GLIPR1L1: variants seen among roughly 807,000 people sequenced by gnomAD.
GLIPR1L1 encodes GLIPR1 like 1.
In GLIPR1L1, 26 loss-of-function variants were observed where a neutral mutation model predicts 29.9. That is an observed-to-expected ratio of 0.87 (90% confidence interval 0.64 to 1.21). The LOEUF (loss-of-function observed/expected upper bound fraction) is 1.21, where lower values mean the gene tolerates loss of function less well. Ranked by LOEUF, GLIPR1L1 falls within the 50% of genes most tolerant of loss-of-function variation. GLIPR1L1 has a pLI of 0.00. For missense variants in GLIPR1L1, 305 were observed against 290.3 expected (o/e 1.05, Z -0.37); for synonymous variants, 77 against 97.5 (o/e 0.79, Z 1.24).
At chr12:75,345,376 A>C (rs1593701944) in intron 2 of GLIPR1L1, among the ~76,000 whole-genome samples, 1 of 152,208 alleles carries the variant, frequency 6.6e-6, no homozygotes, top group East Asian at 1.9e-4. Flanking sequence ...TAGAAGTGTA[A>C]GTGTGTCTAA....
intron 1 of GLIPR1L1, among the ~76,000 whole-genome samples, chr12:75,337,732 G>A (rs1158019525): frequency 2.6e-5 from 4 of 151,872 alleles, no homozygotes; most frequent in East Asian, 3.8e-4. Flanking sequence ...ATTACATTCC[G>A]TACTATGTGT....
At chr12:75,363,386 CT>C (rs1183508193) in intron 4 of GLIPR1L1, among the ~76,000 whole-genome samples, 196 bp downstream of exon 4, 1 of 152,110 alleles carries the variant, frequency 6.6e-6, no homozygotes, top group Non-Finnish European at 1.5e-5. Context: ...ATTACTCCCC[CT>C]CTGAAGCTAA....
rs934965239 is a variant in GLIPR1L1 at position 75,343,875 on chromosome 12, T to A, written c.357T>A (p.Asn119Lys). The change falls in exon 2 of 6, where the codon AAT (asparagine) becomes AAA (lysine). Residue 119 changes from asparagine (N) to lysine (K), a missense_variant. Transcript: ENST00000378695. The part of the protein sequence containing the change: ...TPRHAITAWY[N>K]ETQFYDFDSL... ...GACATGCCATTACGGCTTGGTATAATGAAACCCAATTTTATGATTTTGATA... is the reference window on the plus strand; with the variant it reads ...GACATGCCATTACGGCTTGGTATAAAGAAACCCAATTTTATGATTTTGATA... 1 of 1,612,234 alleles carries A rather than the reference T, an allele frequency of 6.2e-7. No homozygotes were observed. Among genetic ancestry groups the A allele is most frequent in the Non-Finnish European group, 8.5e-7 (1 of 1,178,568 alleles).
chr12:75,366,908 T>G (rs1442398237), intron 4 of GLIPR1L1: 1 of 701,730 alleles, frequency 1.4e-6, no homozygotes, highest in African/African-American at 1.7e-5. Flanking sequence ...CCACTGCATG[T>G]CAAAAGGGGT....
At chr12:75,361,670 G>A (rs2043602599) in intron 3 of GLIPR1L1, among the ~76,000 whole-genome samples, 1 of 152,200 alleles carries the variant, frequency 6.6e-6, no homozygotes, top group Non-Finnish European at 1.5e-5. Flanking sequence ...CTTCCTTACA[G>A]TGCAGCAGGA....
chr12:75,343,389 C>A (rs1276259604), intron 1 of GLIPR1L1, among the ~76,000 whole-genome samples: 4 of 151,874 alleles, frequency 2.6e-5, no homozygotes, highest in Non-Finnish European at 4.4e-5. Flanking sequence ...TTCTGAATTA[C>A]TAGACTTTGA....
chr12:75,343,962 A>G (rs762272047), intron 2 of GLIPR1L1, 24 bp downstream of exon 2: 1 of 1,546,854 alleles, frequency 6.5e-7, no homozygotes, highest in South Asian at 1.2e-5. Flanking sequence ...ATCTTTATTG[A>G]TTAGTTCTTA....
At chr12:75,344,649 C>A (rs1386005314) in intron 2 of GLIPR1L1, among the ~76,000 whole-genome samples, 1 of 151,974 alleles carries the variant, frequency 6.6e-6, no homozygotes, top group Admixed American at 6.6e-5. Flanking sequence ...GAATTTTCTT[C>A]CATCATATCA....
chr12:75,341,738 G>T (rs1217029848), intron 1 of GLIPR1L1, among the ~76,000 whole-genome samples: 5 of 146,282 alleles, frequency 3.4e-5, no homozygotes, highest in Admixed American at 2.7e-4. Context: ...GAGCCACCGC[G>T]CCCGGCCTCT....
At chr12:75,363,079 A>G (rs1485011451) in intron 3 of GLIPR1L1, 23 bp from the exon 4 acceptor site, 2 of 1,324,718 alleles carry the variant, frequency 1.5e-6, no homozygotes, top group Non-Finnish European at 2.1e-6. Context: ...CATTTGGCTA[A>G]TCAATGTTTC....
chr12:75,336,087 G>A (rs1322003340), intron 1 of GLIPR1L1, among the ~76,000 whole-genome samples: 1 of 151,826 alleles, frequency 6.6e-6, no homozygotes, highest in East Asian at 1.9e-4. Flanking sequence ...GAAGTGAAGT[G>A]TCAATAGAAT....
chr12:75,343,898 A>G lies in GLIPR1L1; in HGVS notation c.380A>G (p.Asp127Gly). The change falls in exon 2 of 6, where the codon GAT becomes GGT. Residue 127 changes from aspartate (D) to glycine (G), a missense_variant. Coordinates refer to ENST00000378695, the MANE Select transcript of GLIPR1L1 (RefSeq NM_001304964.2). ...AATGAAACCCAATTTTATGATTTTG[A>G]TAGTCTATCATGCTCCAGAGTCTGT... The part of the protein sequence containing the change: ...WYNETQFYDF[D>G]SLSCSRVCGH... 1.2e-6 allele frequency: 2 copies of G among 1,611,620 alleles called. No individual in the cohort carries two copies. Among genetic ancestry groups the G allele is most frequent in the Non-Finnish European group, 8.5e-7 (1 of 1,178,036 alleles).
chr12:75,350,895 T>C (rs2042765367), intron 3 of GLIPR1L1, among the ~76,000 whole-genome samples: 1 of 152,144 alleles, frequency 6.6e-6, no homozygotes, highest in Non-Finnish European at 1.5e-5. Context: ...AATAATGAAC[T>C]TCACTGAGCT....
chr12:75,363,124 C>A lies in GLIPR1L1; in HGVS notation c.544C>A (p.Pro182Thr). 1 of 1,558,696 alleles carries A rather than the reference C, an allele frequency of 6.4e-7. No homozygotes were observed. Among genetic ancestry groups the A allele is most frequent in the Non-Finnish European group, 8.6e-7 (1 of 1,159,024 alleles). Residue 182 changes from proline (P) to threonine (T), a missense_variant, in exon 4 of 6, where the codon CCT (proline) becomes ACT (threonine). Physicochemically the swap from Pro to Thr is conservative, Grantham distance 38 (BLOSUM62 -1). Coordinates refer to ENST00000378695, the MANE Select transcript of GLIPR1L1 (RefSeq NM_001304964.2). ...CAGAGGAAATTTTGCAAATATGCCT[C>A]CTTACGTAAGAGGAGAATCTTGCTC... ...GPAGNFANMP[P>T]YVRGESCSLC...
At position 75,370,287 on chromosome 12, in the gene GLIPR1L1, C is replaced by G. The variant is rs2139701783; in HGVS notation, c.*111C>G. Reference sequence around the variant, plus strand: ...TTTACTGAATCTTCTACACTCTTGCCTGATACCTAAATTTAATGTTTGTTT... The same window carrying G: ...TTTACTGAATCTTCTACACTCTTGCGTGATACCTAAATTTAATGTTTGTTT... On this transcript the variant is annotated 3_prime_UTR_variant, in exon 6 of 6. Transcript: ENST00000378695. 2 of 594,000 alleles carry G rather than the reference C, an allele frequency of 3.4e-6. No homozygotes were observed. The highest frequency in any genetic ancestry group is 5.7e-5 in the Admixed American group (2 of 35,302). The allele number at this position is 594,000 out of a possible 1,614,324, so 36.8% of individuals were successfully genotyped here.
intron 4 of GLIPR1L1, among the ~76,000 whole-genome samples, chr12:75,366,074 CA>C (rs1435626403): frequency 6.6e-6 from 1 of 151,946 alleles, no homozygotes; most frequent in Non-Finnish European, 1.5e-5. Flanking sequence ...ATTTTAAAGC[CA>C]GTTTATTTAT....
intron 3 of GLIPR1L1, among the ~76,000 whole-genome samples, chr12:75,348,585 G>A (rs746655587): frequency 2.6e-5 from 4 of 152,158 alleles, no homozygotes; most frequent in Admixed American, 6.5e-5. Flanking sequence ...AATGGAAAGA[G>A]AATAATAATA....
rs537089177 is a variant in GLIPR1L1, at chr12:75,347,734, T to C, written c.521+12T>C. 2.0e-6 allele frequency: 3 copies of C among 1,534,680 alleles called. No individual in the cohort carries two copies. In the African/African-American group the frequency reaches 4.1e-5, roughly 21 times the overall value. On this transcript the variant is annotated intron_variant, in intron 3 of 5. Coordinates refer to ENST00000378695, the MANE Select transcript of GLIPR1L1 (RefSeq NM_001304964.2). ...AACTACGGACCTGCGTGAGTTATTT[T>C]CTCTTAAAAATATTTTAATTGAAAT... is the stretch of plus-strand genomic sequence containing the variant.
At chr12:75,349,538 C>T (rs1397161294) in intron 3 of GLIPR1L1, among the ~76,000 whole-genome samples, 1 of 152,086 alleles carries the variant, frequency 6.6e-6, no homozygotes, top group Non-Finnish European at 1.5e-5. Flanking sequence ...GCAGAACTTA[C>T]ACAGATGTTA....
Sources: gnomAD v4.1 joint callset for allele counts (sites outside exome capture counted in the v4.1 genomes callset) on GRCh38, gnomAD v4.1.1 for gene constraint, MANE v1.5 for transcripts, NCBI Gene and HGNC (gene_info 2026-07-23, HGNC 2026-07-21) for gene names.